The following MGAT4C variants were observed in gnomAD, a reference collection of about 807,000 sequenced individuals.
MGAT4C encodes the protein MGAT4 family member C.
A neutral mutation model predicts 40.1 loss-of-function variants in MGAT4C; 19 were observed. The ratio of observed to expected loss-of-function variants is 0.47; its 90% CI spans 0.33 to 0.70. The LOEUF is 0.70. MGAT4C is among the 30% of genes least tolerant of loss of function. The pLI is 0.02. For missense variants in MGAT4C, 491 were observed against 563.2 expected, an observed-to-expected ratio of 0.87 and a Z score of 1.30; for synonymous variants, 181 against 187.1, an observed-to-expected ratio of 0.97 and a Z score of 0.27.
chr12:86,028,033 G>A (rs1890391222), intron 2 of MGAT4C: 1 of 843,036 alleles, frequency 1.2e-6, no homozygotes. Context: ...TGAAAATCAA[G>A]TGTATCTAGT....
chr12:86,803,551 A>G (rs933160254), intron 1 of MGAT4C, among the ~76,000 whole-genome samples: 17 of 151,354 alleles, frequency 1.1e-4, no homozygotes, highest in Non-Finnish European at 2.5e-4. Context: ...TCTACAATGA[A>G]CTCAAACAAA....
intron 4 of MGAT4C, among the ~76,000 whole-genome samples, chr12:86,286,396 G>C (rs1953352975): frequency 1.3e-5 from 2 of 152,078 alleles, no homozygotes; most frequent in Admixed American, 1.3e-4. Flanking sequence ...AAAATTGGTA[G>C]TACTTATACT....
intron 2 of MGAT4C, among the ~76,000 whole-genome samples, chr12:86,677,497 C>T (rs1395578370): frequency 6.6e-6 from 1 of 152,086 alleles, no homozygotes; most frequent in Non-Finnish European, 1.5e-5. Flanking sequence ...TCATGCCATT[C>T]AGAATCATCA....
At chr12:86,796,675 G>A (rs907391879) in intron 1 of MGAT4C, among the ~76,000 whole-genome samples, 1 of 151,880 alleles carries the variant, frequency 6.6e-6, no homozygotes, top group Non-Finnish European at 1.5e-5. Context: ...GAGAATGGGT[G>A]TACCAGTTGT....
intron 1 of MGAT4C, among the ~76,000 whole-genome samples, chr12:86,175,797 A>C (rs1358442855): frequency 2.1e-4 from 2 of 9,334 alleles, no homozygotes; most frequent in African/African-American, 4.2e-4. Flanking sequence ...TAAAAATACA[A>C]AAAAAAAAAA....
At chr12:86,218,222 G>A (rs1950745736) in intron 1 of MGAT4C, among the ~76,000 whole-genome samples, 2 of 151,920 alleles carry the variant, frequency 1.3e-5, no homozygotes, top group African/African-American at 4.8e-5. Flanking sequence ...GAAGAGCTAA[G>A]GTTTTTCCAC....
At chr12:86,237,908 T>C (rs79387285) in intron 1 of MGAT4C, among the ~76,000 whole-genome samples, 3,525 of 152,080 alleles carry the variant, frequency 0.023, 106 homozygotes, top group South Asian at 0.11. Flanking sequence ...TCTGTGGTCT[T>C]GGCCTCTTGC....
At chr12:86,096,763 G>A (rs1416900330) in intron 1 of MGAT4C, among the ~76,000 whole-genome samples, 1 of 151,310 alleles carries the variant, frequency 6.6e-6, no homozygotes, top group African/African-American at 2.4e-5. Flanking sequence ...TTATAATAAT[G>A]TCATAACAAT....
At chr12:86,378,408 A>G (rs1028738795) in intron 3 of MGAT4C, among the ~76,000 whole-genome samples, 3 of 152,194 alleles carry the variant, frequency 2.0e-5, no homozygotes, top group African/African-American at 7.2e-5. Context: ...GCTAATTCAT[A>G]AGAATCTCTA....
intron 1 of MGAT4C, among the ~76,000 whole-genome samples, chr12:86,244,354 T>C (rs1951925450): frequency 6.6e-6 from 1 of 152,182 alleles, no homozygotes; most frequent in African/African-American, 2.4e-5. Flanking sequence ...CAGGGATTAG[T>C]GAAGGGGTGG....
At chr12:86,666,024 C>T (rs1236908529) in intron 2 of MGAT4C, among the ~76,000 whole-genome samples, 1 of 152,016 alleles carries the variant, frequency 6.6e-6, no homozygotes, top group Non-Finnish European at 1.5e-5. Flanking sequence ...GCATATTGTT[C>T]AAAATTGTCT....
intron 2 of MGAT4C, among the ~76,000 whole-genome samples, chr12:86,655,697 A>G (rs1315412040): frequency 6.6e-6 from 1 of 152,116 alleles, no homozygotes; most frequent in Non-Finnish European, 1.5e-5. Flanking sequence ...TTAATAAACT[A>G]TGTATGCTTA....
intron 2 of MGAT4C, chr12:86,013,786 CT>C: frequency 1.1e-6 from 1 of 930,876 alleles, no homozygotes; most frequent in Non-Finnish European, 1.3e-6. Flanking sequence ...AAAAGACTTT[CT>C]TAGTAAACTC....
chr12:86,111,515 CTATT>C (rs1877409028), intron 1 of MGAT4C, among the ~76,000 whole-genome samples: 2 of 151,730 alleles, frequency 1.3e-5, no homozygotes, highest in African/African-American at 4.8e-5. Flanking sequence ...TAGCAATCCT[CTATT>C]TAATTATTTT....
rs1016376068 is a variant in MGAT4C, at chr12:86,004,286, T to C, written c.-6-14734A>G. The stretch of plus-strand genomic sequence containing the variant: ...ATTATTAGGTATTTTAGAAATCATA[T>C]AAATTTCCTAGAAATTTATCAATAT... On this transcript the variant is annotated intron_variant, in intron 2 of 4. Coordinates refer to ENST00000611864, the MANE Select transcript of MGAT4C (RefSeq NM_001351288.2). Among the ~76,000 whole-genome samples, 6 of 152,308 alleles carry C rather than the reference T, an allele frequency of 3.9e-5. No homozygotes were observed. The East Asian group carries it at 1.2e-3, about 29-fold the overall frequency.
chr12:86,773,336 G>A (rs1322629368), intron 1 of MGAT4C, among the ~76,000 whole-genome samples: 1 of 152,070 alleles, frequency 6.6e-6, no homozygotes, highest in African/African-American at 2.4e-5. Context: ...ATAGCCACCT[G>A]TAAGCCAGGG....
At chr12:86,821,851 T>C (rs924948290) in intron 1 of MGAT4C, among the ~76,000 whole-genome samples, 1 of 150,978 alleles carries the variant, frequency 6.6e-6, no homozygotes, top group Non-Finnish European at 1.5e-5. Flanking sequence ...GGAGATAATA[T>C]GAGAAAGACA....
intron 1 of MGAT4C, among the ~76,000 whole-genome samples, chr12:86,165,105 A>C (rs565293068): frequency 2.1e-4 from 32 of 152,198 alleles, no homozygotes; most frequent in Non-Finnish European, 4.0e-4. Context: ...TTTAGAATAA[A>C]CCTTAGTCAC....
chr12:86,807,987 AT>A (rs35132663), intron 1 of MGAT4C, among the ~76,000 whole-genome samples: 25,266 of 151,900 alleles, frequency 0.17, 2,213 homozygotes, highest in Middle Eastern at 0.3. Flanking sequence ...TTTCTTATAA[AT>A]TTGTTTAACT....
Sources: gnomAD v4.1 joint callset for allele counts (sites outside exome capture counted in the v4.1 genomes callset) on GRCh38, gnomAD v4.1.1 for gene constraint, MANE v1.5 for transcripts, NCBI Gene and HGNC (gene_info 2026-07-23, HGNC 2026-07-21) for gene names.